CASR: variants seen among roughly 807,000 people sequenced by gnomAD.
The protein encoded by CASR is extracellular calcium-sensing receptor.
Under a neutral mutation model 69.1 loss-of-function variants are expected in CASR, and 23 were observed. The ratio of observed to expected loss-of-function variants is 0.33; its 90% CI spans 0.24 to 0.47. The LOEUF (loss-of-function observed/expected upper bound fraction) is 0.47. CASR is among the 20% of genes least tolerant of loss of function. CASR has a pLI of 1.00. For missense variants in CASR, 924 were observed against 1,356.1 expected, an observed-to-expected ratio of 0.68 and a Z score of 5.00; for synonymous variants, 541 against 544.7, an observed-to-expected ratio of 0.99 and a Z score of 0.10.
chr3:122,240,943 T>A (rs1014139225), intron 1 of CASR, among the ~76,000 whole-genome samples: 6 of 152,090 alleles, frequency 3.9e-5, no homozygotes, highest in South Asian at 4.1e-4. Flanking sequence ...AGTGGGTCAG[T>A]GAAAAAATTA....
chr3:122,200,530 T>C (rs1013372726), intron 1 of CASR, among the ~76,000 whole-genome samples: 1 of 152,228 alleles, frequency 6.6e-6, no homozygotes, highest in African/African-American at 2.4e-5. Context: ...AAATGTATTA[T>C]ATTCGTGAGA....
chr3:122,239,023 A>T (rs879301000), intron 1 of CASR, among the ~76,000 whole-genome samples: 2 of 152,112 alleles, frequency 1.3e-5, no homozygotes, highest in Non-Finnish European at 2.9e-5. Context: ...ATGGCAAAAG[A>T]TTCCTTCTGC....
At chr3:122,281,737 G>A (rs982659379) in intron 5 of CASR, among the ~76,000 whole-genome samples, 1 of 152,126 alleles carries the variant, frequency 6.6e-6, no homozygotes. Context: ...TGGTCATGAT[G>A]CATTTTCTTT....
At chr3:122,215,749 C>T (rs540022750) in intron 1 of CASR, among the ~76,000 whole-genome samples, 3 of 152,242 alleles carry the variant, frequency 2.0e-5, no homozygotes, top group East Asian at 1.9e-4. Flanking sequence ...ATGATTAAGC[C>T]GTGTGACAAG....
intron 6 of CASR, among the ~76,000 whole-genome samples, chr3:122,283,472 A>G (rs891729102): frequency 1.2e-4 from 19 of 152,226 alleles, no homozygotes; most frequent in Non-Finnish European, 1.9e-4. Context: ...AACTAACAAT[A>G]GAACCATCAG....
intron 4 of CASR, among the ~76,000 whole-genome samples, chr3:122,275,479 C>T (rs554352591): frequency 6.6e-6 from 1 of 152,368 alleles, no homozygotes; most frequent in East Asian, 1.9e-4. Flanking sequence ...CCTGCCCCTC[C>T]TGGGGCACCA....
intron 1 of CASR, among the ~76,000 whole-genome samples, chr3:122,221,088 A>T (rs1044655954): frequency 6.6e-6 from 1 of 152,220 alleles, no homozygotes; most frequent in Non-Finnish European, 1.5e-5. Context: ...AAAAGTTGGC[A>T]GTTTATCCCA....
intron 4 of CASR, among the ~76,000 whole-genome samples, chr3:122,266,914 G>T (rs1032049369): frequency 2.0e-5 from 3 of 152,184 alleles, no homozygotes; most frequent in Admixed American, 2.0e-4. Context: ...TGAGGCAGGA[G>T]AATTGCTTGA....
At chr3:122,243,071 C>G (rs949776336) in intron 1 of CASR, among the ~76,000 whole-genome samples, 1 of 152,066 alleles carries the variant, frequency 6.6e-6, no homozygotes, top group Non-Finnish European at 1.5e-5. Context: ...TATGAAACTA[C>G]TAAACAAAAA....
intron 1 of CASR, among the ~76,000 whole-genome samples, chr3:122,224,769 A>ATTTGAAG (rs1245312734): frequency 6.6e-6 from 1 of 152,244 alleles, no homozygotes; most frequent in Non-Finnish European, 1.5e-5. Flanking sequence ...AGCTGGAGGC[A>ATTTGAAG]TCACACTCCC....
intron 1 of CASR, among the ~76,000 whole-genome samples, chr3:122,191,405 G>A (rs537275342): frequency 2.1e-3 from 325 of 152,112 alleles, no homozygotes; most frequent in African/African-American, 7.2e-3. Flanking sequence ...TCTGCCTTCC[G>A]GGTTCAAGCA....
At chr3:122,204,346 T>C (rs2073985703) in intron 1 of CASR, among the ~76,000 whole-genome samples, 1 of 152,184 alleles carries the variant, frequency 6.6e-6, no homozygotes, top group Non-Finnish European at 1.5e-5. Flanking sequence ...CTTTCTATGC[T>C]TGGCTTATTT....
intron 1 of CASR, among the ~76,000 whole-genome samples, chr3:122,252,638 G>C (rs2074510405): frequency 6.6e-6 from 1 of 151,914 alleles, no homozygotes; most frequent in Non-Finnish European, 1.5e-5. Context: ...GAATTAAGAA[G>C]TAGAATCTAC....
chr3:122,228,780 C>T (rs562578316), intron 1 of CASR, among the ~76,000 whole-genome samples: 1 of 152,172 alleles, frequency 6.6e-6, no homozygotes, highest in Non-Finnish European at 1.5e-5. Context: ...AATCCATGCT[C>T]ACAGCTACCA....
At chr3:122,274,857 GAC>G (rs932472681) in intron 4 of CASR, among the ~76,000 whole-genome samples, 9 of 152,204 alleles carry the variant, frequency 5.9e-5, no homozygotes, top group Non-Finnish European at 1.3e-4. Flanking sequence ...GTGTCACAGT[GAC>G]ACAAGGCTGG....
chr3:122,201,633 CCCCCACCTCCCT>C (rs1559935862), intron 1 of CASR, among the ~76,000 whole-genome samples: 2 of 78,548 alleles, frequency 2.5e-5, no homozygotes, highest in African/African-American at 3.7e-5. Flanking sequence ...CGGGGGCGAC[CCCCCACCTCCCT>C]CCCGGACGGG....
rs372310569 is a variant in CASR, at chr3:122,200,542, T to C, written c.-243+16730T>C. Among the ~76,000 whole-genome samples the C allele has an allele frequency of 9.9e-5, 15 of 152,152 alleles. 1 individual carries two copies. The highest frequency in any genetic ancestry group is 5.9e-4 in the Admixed American group (9 of 15,282). ...AAAAAATGTATTATATTCGTGAGAG[T>C]AATCCATGTTAATGACTATCACTGT... On this transcript the variant is annotated intron_variant, in intron 1 of 6. Transcript: ENST00000639785.
Position 122,287,997 on chromosome 3 carries a change from A to G in CASR, c.*2806A>G, listed in dbSNP as rs1289298095. 1 of 152,294 alleles carries G rather than the reference A, an allele frequency of 6.6e-6. No homozygotes were observed. Among genetic ancestry groups the G allele is most frequent in the Admixed American group, 6.5e-5 (1 of 15,292 alleles). 9.4% of individuals were successfully genotyped at this position (152,294 alleles called of 1,614,324 possible). A position where few individuals can be genotyped will look rare whatever the true frequency, so the allele number is the denominator to read the frequency against. ...ATAATGGTCACCCAAAGATGCCCAC[A>G]TCCTCATCTCTAGAACCTATGGCTA... On this transcript the variant is annotated 3_prime_UTR_variant, in exon 7 of 7. Transcript: ENST00000639785.
rs2074950648 is a variant in CASR at position 122,284,949 on chromosome 3, G to A, written c.2995G>A (p.Glu999Lys). 6.2e-7 allele frequency: 1 copy of A among 1,614,144 alleles called. No homozygotes were observed. Among genetic ancestry groups the A allele is most frequent in the Non-Finnish European group, 8.5e-7 (1 of 1,180,004 alleles). The change falls in exon 7 of 7, where the codon GAG (glutamate) becomes AAG (lysine). Residue 999 changes from glutamate to lysine, a missense_variant. Around this residue, in one of 8 missense-constraint regions of CASR, gnomAD observed 201 missense variants for 228.8 expected, o/e 0.88. Coordinates refer to ENST00000639785, the MANE Select transcript of CASR (RefSeq NM_000388.4). ...GAATTCTACGCACCAGAACTCCCTG[G>A]AGGCCCAGAAAAGCAGCGATACGCT... is the stretch of plus-strand genomic sequence containing the variant. ...HRNSTHQNSLEAQKSSDTLTR... is the reference protein window; with the variant it reads ...HRNSTHQNSLKAQKSSDTLTR...
Sources: allele counts gnomAD v4.1 joint callset (sites outside exome capture counted in the v4.1 genomes callset), GRCh38; gene constraint gnomAD v4.1.1; regional missense constraint gnomAD v4.1.1; transcripts MANE v1.5; gene names NCBI Gene and HGNC (gene_info 2026-07-23, HGNC 2026-07-21).